The following ZZEF1 variants were observed in gnomAD, a reference collection of about 807,000 sequenced individuals.
The protein encoded by ZZEF1 is zinc finger ZZ-type and EF-hand domain-containing protein 1.
A neutral mutation model predicts 342.8 loss-of-function variants in ZZEF1; 157 were observed. The observed-to-expected ratio is 0.46, with a 90% CI of 0.40 to 0.52. The LOEUF (loss-of-function observed/expected upper bound fraction) is 0.52. Ranked by LOEUF, ZZEF1 falls within the 20% of genes least tolerant of loss-of-function variation. ZZEF1 has a pLI of 0.00. For missense variants in ZZEF1, 3,480 were observed against 3,725.6 expected (o/e 0.93, Z 1.72); for synonymous variants, 1,505 against 1,429.1 (o/e 1.05, Z -1.20).
intron 1 of ZZEF1, among the ~76,000 whole-genome samples, chr17:4,135,687 G>T (rs73972056): frequency 0.019 from 2,898 of 152,114 alleles, 99 homozygotes; most frequent in African/African-American, 0.065. Context: ...TACTCCTTCT[G>T]CCCAGAGACA....
intron 15 of ZZEF1, 121 bp from the exon 16 acceptor site, chr17:4,085,924 T>A: frequency 1.5e-6 from 2 of 1,315,974 alleles, no homozygotes; most frequent in Admixed American, 2.1e-5. Flanking sequence ...AGTGAAGAAG[T>A]ATTTCTGTAC....
In ZZEF1 at chr17:4,072,631, G is replaced by A. The variant is rs893891620; in HGVS notation, c.3811C>T (p.His1271Tyr). ...ACCTCCTTACTATTCCGGTGTGGGT[G>A]AGTGGGCCAGCTTGCTTCTAATTCC... Reference protein sequence around the residue: ...ELELEASWPTHPHRNSKEVKN... With the variant: ...ELELEASWPTYPHRNSKEVKN... The change falls in exon 25 of 55, where the codon CAC becomes TAC. Residue 1271 changes from histidine to tyrosine, a missense_variant. Coordinates refer to ENST00000381638, the MANE Select transcript of ZZEF1 (RefSeq NM_015113.4). The A allele has an allele frequency of 2.5e-6, 4 of 1,613,544 alleles. No individual in the cohort carries two copies. In the African/African-American group the frequency reaches 4.0e-5, roughly 16 times the overall value.
chr17:4,036,087 A>C (rs1282613071), intron 39 of ZZEF1, among the ~76,000 whole-genome samples: 1 of 151,638 alleles, frequency 6.6e-6, no homozygotes, highest in African/African-American at 2.4e-5. Context: ...CCAAAAAAAA[A>C]AAAAAAAAGA....
chr17:4,010,468 C>G (rs1199415479), intron 52 of ZZEF1, among the ~76,000 whole-genome samples: 2 of 151,690 alleles, frequency 1.3e-5, no homozygotes, highest in Non-Finnish European at 2.9e-5. Flanking sequence ...CGCCTGTAAT[C>G]CCAGCACCTT....
At chr17:4,020,531 C>T (rs1308688153) in intron 45 of ZZEF1, among the ~76,000 whole-genome samples, 1 of 151,432 alleles carries the variant, frequency 6.6e-6, no homozygotes, top group Admixed American at 6.6e-5. Flanking sequence ...GAGGCAGGGT[C>T]TTGCTAAGTT....
intron 49 of ZZEF1, among the ~76,000 whole-genome samples, chr17:4,015,846 C>T (rs2056086461): frequency 6.6e-6 from 1 of 152,230 alleles, no homozygotes; most frequent in South Asian, 2.1e-4. Context: ...ATCAAAATGC[C>T]TACCTCCCTG....
chr17:4,026,480 T>C (rs1234214031), intron 42 of ZZEF1, among the ~76,000 whole-genome samples: 1 of 151,138 alleles, frequency 6.6e-6, no homozygotes, highest in African/African-American at 2.4e-5. Context: ...CATCCCAGAA[T>C]CTACACAAGC....
chr17:4,142,778 C>T lies in ZZEF1; in HGVS notation c.118G>A (p.Ala40Thr). ...VSGTTPGPGV[A>T]APALPPAAAL... ...GCGGCGGGTGGTAGCGCTGGAGCCG[C>T]GACGCCCGGGCCGGGGGTCGTGCCC... The change falls in exon 1 of 55, where the codon GCG becomes ACG. Residue 40 changes from alanine (A) to threonine (T), a missense_variant. Physicochemically the swap from Ala to Thr is moderately conservative, Grantham distance 58. Around this residue, in one of 5 missense-constraint regions of ZZEF1, gnomAD observed 416 missense variants for 374.2 expected, o/e 1.11. Transcript: ENST00000381638. 3 of 1,427,634 alleles carry T rather than the reference C, an allele frequency of 2.1e-6. No homozygotes were observed. Among genetic ancestry groups the T allele is most frequent in the Non-Finnish European group, 2.7e-6 (3 of 1,101,482 alleles). 88.4% of individuals were successfully genotyped at this position (1,427,634 alleles called of 1,614,324 possible).
chr17:4,026,716 T>C (rs1340462436), intron 42 of ZZEF1, among the ~76,000 whole-genome samples: 1 of 151,858 alleles, frequency 6.6e-6, no homozygotes, highest in African/African-American at 2.4e-5. Flanking sequence ...GACGGGGTTT[T>C]ACCATGCTGG....
At chr17:4,141,396 G>A (rs1447594852) in intron 1 of ZZEF1, among the ~76,000 whole-genome samples, 1 of 152,166 alleles carries the variant, frequency 6.6e-6, no homozygotes, top group Admixed American at 6.5e-5. Context: ...ACTGCTTTAT[G>A]TACACACCCT....
intron 26 of ZZEF1, 141 bp from the exon 27 acceptor site, chr17:4,067,383 CAG>C: frequency 2.0e-6 from 1 of 511,028 alleles, no homozygotes; most frequent in South Asian, 4.3e-5. Flanking sequence ...AAGAGAGACT[CAG>C]GGAAAAAAAT....
At position 4,124,720 on chromosome 17, in the gene ZZEF1, A is replaced by T. The variant is rs142166690; in HGVS notation, c.355-669T>A. 4.2e-3 allele frequency among the ~76,000 whole-genome samples: 633 copies of T among 151,736 alleles called. 1 individual carries two copies. Among genetic ancestry groups the T allele is most frequent in the Non-Finnish European group, 7.5e-3 (513 of 67,962 alleles). The stretch of plus-strand genomic sequence containing the variant: ...TGATCCGCCCACCTCAGCCTCCCAA[A>T]GTGCTGGGATTACAGGTGTGGGCCA... On this transcript the variant is annotated intron_variant, in intron 1 of 54. Coordinates refer to ENST00000381638, the MANE Select transcript of ZZEF1 (RefSeq NM_015113.4).
At chr17:4,124,483 C>A (rs919322312) in intron 1 of ZZEF1, among the ~76,000 whole-genome samples, 2 of 152,188 alleles carry the variant, frequency 1.3e-5, no homozygotes. Context: ...TTTCTTGTCG[C>A]CCAGGCCGGA....
At chr17:4,052,170 G>A (rs2057062838) in intron 34 of ZZEF1, 34 bp from the exon 35 acceptor site, 1 of 1,573,226 alleles carries the variant, frequency 6.4e-7, no homozygotes, top group South Asian at 1.2e-5. Flanking sequence ...AGGGGATGAG[G>A]TAGAGGGCTC....
Position 4,014,600 on chromosome 17 carries a change from G to A in ZZEF1, c.8146-85C>T, listed in dbSNP as rs2144943449. ...CTGTCCCATGCCGAGTCCTGTGGCT[G>A]GACCCGGGTGTGTGAGAATGAGTGA... On this transcript the variant is annotated intron_variant, in intron 49 of 54. Coordinates refer to ENST00000381638, the MANE Select transcript of ZZEF1 (RefSeq NM_015113.4). This position sits in a 1 kb window ranked among gnomAD's most constrained non-coding sequence, Gnocchi z 4.4. 2 of 1,438,304 alleles carry A rather than the reference G, an allele frequency of 1.4e-6. No individual in the cohort carries two copies. The highest frequency in any genetic ancestry group is 2.5e-5 in the South Asian group (2 of 81,122). 89.1% of individuals were successfully genotyped at this position (1,438,304 alleles called of 1,614,324 possible).
intron 12 of ZZEF1, 29 bp downstream of exon 12, chr17:4,090,690 G>A (rs138213742): frequency 2.6e-6 from 4 of 1,544,996 alleles, no homozygotes; most frequent in Non-Finnish European, 2.7e-6. Context: ...AAAAGGAGGG[G>A]AGTGGGCAAA....
Position 4,017,138 on chromosome 17 carries a change from G to A in ZZEF1, c.8001+233C>T, listed in dbSNP as rs8077342. ...GATTTCTGCACTTGGAAACTGGGAAGATGGCGACAAAGCTTTCTGGTTCAG... is the reference window on the plus strand; with the variant it reads ...GATTTCTGCACTTGGAAACTGGGAAAATGGCGACAAAGCTTTCTGGTTCAG... On this transcript the variant is annotated intron_variant, in intron 48 of 54. Transcript: ENST00000381638. This position sits in a 1 kb window ranked among gnomAD's most constrained non-coding sequence, Gnocchi z 5.1. 92,277 of 538,336 alleles carry A rather than the reference G, an allele frequency of 0.17. 8,536 individuals are homozygous for A. The highest frequency in any genetic ancestry group is 0.21 in the Admixed American group (6,071 of 28,814). The allele number at this position is 538,336 out of a possible 1,614,324, so 33.3% of individuals were successfully genotyped here. A position where few individuals can be genotyped will look rare whatever the true frequency, so the allele number is the denominator to read the frequency against.
chr17:4,097,056 C>T (rs1201361969), intron 9 of ZZEF1, among the ~76,000 whole-genome samples: 1 of 151,666 alleles, frequency 6.6e-6, no homozygotes, highest in Non-Finnish European at 1.5e-5. Flanking sequence ...GATCAGGAGA[C>T]GGAGACCATC....
intron 15 of ZZEF1, among the ~76,000 whole-genome samples, 166 bp from the exon 16 acceptor site, chr17:4,085,969 CTTTCA>C (rs1651821816): frequency 6.6e-6 from 1 of 152,116 alleles, no homozygotes; most frequent in African/African-American, 2.4e-5. Context: ...TTTTTATTTG[CTTTCA>C]TTTAACTAAA....
Sources: allele counts gnomAD v4.1 joint callset (sites outside exome capture counted in the v4.1 genomes callset), GRCh38; gene constraint gnomAD v4.1.1; regional missense constraint gnomAD v4.1.1; non-coding constraint Gnocchi (gnomAD v3.1); transcripts MANE v1.5; gene names NCBI Gene and HGNC (gene_info 2026-07-23, HGNC 2026-07-21).